Variants in CCBE1 observed in about 807,000 individuals in gnomAD.
The protein encoded by CCBE1 is collagen and calcium binding EGF domains 1, also known as collagen and calcium-binding EGF domain-containing protein 1.
CCBE1 carries 37 observed loss-of-function variants against 50.0 expected under a neutral mutation model. The ratio of observed to expected loss-of-function variants is 0.74; its 90% CI spans 0.57 to 0.97. The LOEUF (loss-of-function observed/expected upper bound fraction) is 0.97. Among genes scored for constraint, CCBE1 ranks in the 50% least tolerant of loss-of-function variants. CCBE1 has a pLI of 0.00. For missense variants in CCBE1, 538 were observed against 523.8 expected (o/e 1.03, Z -0.26); for synonymous variants, 234 against 203.7 (o/e 1.15, Z -1.27).
intron 2 of CCBE1, among the ~76,000 whole-genome samples, chr18:59,694,455 A>G (rs2054778900): frequency 6.6e-6 from 1 of 152,112 alleles, no homozygotes; most frequent in Non-Finnish European, 1.5e-5. Flanking sequence ...AAAGGCCTCC[A>G]TGCTCCTTTA....
intron 2 of CCBE1, among the ~76,000 whole-genome samples, chr18:59,480,594 G>A (rs1912526116): frequency 6.6e-6 from 1 of 152,012 alleles, no homozygotes; most frequent in African/African-American, 2.4e-5. Flanking sequence ...TCATTCCACA[G>A]GCCAAAGAGA....
intron 2 of CCBE1, among the ~76,000 whole-genome samples, chr18:59,531,528 G>T (rs990936126): frequency 6.6e-6 from 1 of 152,126 alleles, no homozygotes; most frequent in South Asian, 2.1e-4. Flanking sequence ...CAGGAGGATT[G>T]CTTGAGCCCA....
intron 3 of CCBE1, among the ~76,000 whole-genome samples, chr18:59,472,794 T>C (rs1189454548): frequency 6.6e-6 from 1 of 152,222 alleles, no homozygotes; most frequent in African/African-American, 2.4e-5. Context: ...AGGTAATTTA[T>C]AAAGGAAAGA....
intron 2 of CCBE1, among the ~76,000 whole-genome samples, chr18:59,612,823 TTTGTTTTTTTTTGTTTTTGTTTTTG>T (rs1340623275): frequency 3.6e-5 from 4 of 109,992 alleles, no homozygotes; most frequent in African/African-American, 6.8e-5. Context: ...GGGTTTTTTT[TTTGTTTTTTTTTGTTTTTGTTTTTG>T]TTTTTTTTAA....
intron 2 of CCBE1, among the ~76,000 whole-genome samples, chr18:59,681,022 A>C (rs2144729711): frequency 6.6e-6 from 1 of 151,790 alleles, no homozygotes; most frequent in Admixed American, 6.6e-5. Context: ...GAGAAGCCTC[A>C]TCCTTTTAGG....
At chr18:59,462,575 G>C (rs544568123) in intron 5 of CCBE1, 78 of 152,238 alleles carry the variant, frequency 5.1e-4, no homozygotes, top group African/African-American at 1.8e-3. Context: ...TTTTAGTAGA[G>C]ATGGGGTCTC....
chr18:59,688,156 T>G (rs1400774011), intron 2 of CCBE1: 1 of 152,082 alleles, frequency 6.6e-6, no homozygotes, highest in Non-Finnish European at 1.5e-5. Context: ...AATGTAAAAA[T>G]TTTTCTACTA....
At chr18:59,565,003 C>A (rs1046525868) in intron 2 of CCBE1, among the ~76,000 whole-genome samples, 2 of 152,244 alleles carry the variant, frequency 1.3e-5, no homozygotes, top group African/African-American at 2.4e-5. Flanking sequence ...TGCAACAGAA[C>A]TGAGTAGTCA....
At chr18:59,555,260 A>G (rs1177947567) in intron 2 of CCBE1, among the ~76,000 whole-genome samples, 3 of 152,202 alleles carry the variant, frequency 2.0e-5, no homozygotes, top group Non-Finnish European at 4.4e-5. Context: ...TAAAAGTTTA[A>G]AAGACCATAT....
At chr18:59,695,435 C>G (rs962252271) in intron 2 of CCBE1, among the ~76,000 whole-genome samples, 2 of 152,150 alleles carry the variant, frequency 1.3e-5, no homozygotes, top group South Asian at 2.1e-4. Flanking sequence ...ATTCACCCCC[C>G]GCACACGCCA....
intron 2 of CCBE1, among the ~76,000 whole-genome samples, chr18:59,528,707 C>G (rs1914926436): frequency 6.6e-6 from 1 of 152,078 alleles, no homozygotes; most frequent in Non-Finnish European, 1.5e-5. Flanking sequence ...ACAGTCAAGC[C>G]CCTCTTCCAT....
At chr18:59,519,864 G>GGGTTCA (rs1914525627) in intron 2 of CCBE1, among the ~76,000 whole-genome samples, 1 of 152,114 alleles carries the variant, frequency 6.6e-6, no homozygotes, top group Non-Finnish European at 1.5e-5. Flanking sequence ...TGTAAGGAAG[G>GGGTTCA]GGTTCAGTTT....
intron 2 of CCBE1, among the ~76,000 whole-genome samples, chr18:59,521,818 A>G (rs1270624575): frequency 5.3e-5 from 8 of 152,348 alleles, no homozygotes; most frequent in South Asian, 2.1e-4. Context: ...CTTGGTGGAC[A>G]TCGACAAAAA....
At chr18:59,690,111 T>C (rs549225015) in intron 2 of CCBE1, among the ~76,000 whole-genome samples, 4 of 152,316 alleles carry the variant, frequency 2.6e-5, no homozygotes, top group African/African-American at 7.2e-5. Context: ...CAGAGGATTT[T>C]TGTTGTTGTT....
chr18:59,485,974 T>A (rs8093351), intron 2 of CCBE1, among the ~76,000 whole-genome samples: 8 of 151,922 alleles, frequency 5.3e-5, no homozygotes, highest in African/African-American at 1.9e-4. Context: ...GTTAAGGTAA[T>A]GTGTAACAAA....
At chr18:59,679,018 T>A (rs1227725295) in intron 2 of CCBE1, among the ~76,000 whole-genome samples, 1 of 152,248 alleles carries the variant, frequency 6.6e-6, no homozygotes, top group South Asian at 2.1e-4. Flanking sequence ...TAAATTTTCA[T>A]CTGATAAGAA....
intron 5 of CCBE1, among the ~76,000 whole-genome samples, chr18:59,464,574 G>A (rs1911654120): frequency 6.6e-6 from 1 of 152,338 alleles, no homozygotes; most frequent in South Asian, 2.1e-4. Flanking sequence ...TTTAAGAAGT[G>A]TCACCAAGTC....
At chr18:59,437,274 C>T (rs1159648748) in intron 10 of CCBE1, among the ~76,000 whole-genome samples, 1 of 152,212 alleles carries the variant, frequency 6.6e-6, no homozygotes, top group Non-Finnish European at 1.5e-5. Flanking sequence ...GTTATCATCT[C>T]CCGCAACTGC....
chr18:59,685,230 TGAG>T (rs2054639883), intron 2 of CCBE1, among the ~76,000 whole-genome samples: 3 of 152,132 alleles, frequency 2.0e-5, no homozygotes, highest in African/African-American at 7.2e-5. Flanking sequence ...ATTTGCACCC[TGAG>T]ATTTGGAATG....
Sources: allele counts gnomAD v4.1 joint callset (sites outside exome capture counted in the v4.1 genomes callset), GRCh38; gene constraint gnomAD v4.1.1; transcripts MANE v1.5; gene names NCBI Gene and HGNC (gene_info 2026-07-23, HGNC 2026-07-21).